TMEM245: variants seen among roughly 807,000 people sequenced by gnomAD.
TMEM245 encodes protein CG-2.
In TMEM245, 69 loss-of-function variants were observed where a neutral mutation model predicts 101.2. The ratio of observed to expected loss-of-function variants is 0.68; its 90% CI spans 0.56 to 0.83. The LOEUF (loss-of-function observed/expected upper bound fraction) is 0.83, where lower values mean the gene tolerates loss of function less well. Among genes scored for constraint, TMEM245 ranks in the 40% least tolerant of loss-of-function variants. TMEM245 has a pLI of 0.00. For missense variants in TMEM245, 1,075 were observed against 1,092.8 expected (o/e 0.98, Z 0.23); for synonymous variants, 537 against 449.8 (o/e 1.19, Z -2.45).
intron 11 of TMEM245, 107 bp from the exon 12 acceptor site, chr9:109,057,429 C>G (rs1484391551): frequency 1.2e-5 from 15 of 1,295,516 alleles, no homozygotes. Flanking sequence ...TCAGTAAGTA[C>G]TCCAAGGAAA....
rs1278656667 is a variant in TMEM245 at position 109,017,188 on chromosome 9, T to G, written c.*3272A>C. ...ATCTGCAAGCCATTTAGCAGCCCTT[T>G]AACTGTAAAAAGCAGTTCCACTTTC... On this transcript the variant is annotated 3_prime_UTR_variant, in exon 18 of 18. Transcript: ENST00000374586. 1.3e-5 allele frequency: 2 copies of G among 152,214 alleles called. No homozygotes were observed. The highest frequency in any genetic ancestry group is 1.5e-5 in the Non-Finnish European group (1 of 68,036). The allele number at this position is 152,214 out of a possible 1,614,324, so 9.4% of individuals were successfully genotyped here.
Position 109,020,356 on chromosome 9 carries a change from G to C in TMEM245, c.*104C>G. The C allele has an allele frequency of 1.8e-6, 2 of 1,130,856 alleles. No individual in the cohort carries two copies. Among genetic ancestry groups the C allele is most frequent in the East Asian group, 2.3e-5 (1 of 42,698 alleles). 70.1% of individuals were successfully genotyped at this position (1,130,856 alleles called of 1,614,324 possible). A position where few individuals can be genotyped will look rare whatever the true frequency, so the allele number is the denominator to read the frequency against. ...CCAGGAGGCTTCTGCTTCTTTCCTG[G>C]GTTTTGCTTGCTAGGCACAGCTGGA... On this transcript the variant is annotated 3_prime_UTR_variant, in exon 18 of 18. Transcript: ENST00000374586.
chr9:109,106,386 C>T (rs1295065505), intron 3 of TMEM245, 122 bp downstream of exon 3: 1 of 522,964 alleles, frequency 1.9e-6, no homozygotes, highest in African/African-American at 1.9e-5. Flanking sequence ...AATTTATTTT[C>T]CACTCAGAAA....
At chr9:109,085,790 C>A (rs1360881246) in intron 7 of TMEM245, among the ~76,000 whole-genome samples, 1 of 152,186 alleles carries the variant, frequency 6.6e-6, no homozygotes, top group Non-Finnish European at 1.5e-5. Context: ...CAAGGAGATA[C>A]CATCCATATC....
intron 1 of TMEM245, among the ~76,000 whole-genome samples, chr9:109,116,658 C>G (rs1456749301): frequency 6.6e-6 from 1 of 152,006 alleles, no homozygotes; most frequent in East Asian, 1.9e-4. Flanking sequence ...TCCCGAGTAG[C>G]TGGGACCACA....
At chr9:109,087,675 T>G (rs1829882199) in intron 5 of TMEM245, among the ~76,000 whole-genome samples, 1 of 152,218 alleles carries the variant, frequency 6.6e-6, no homozygotes, top group Non-Finnish European at 1.5e-5. Context: ...CCCTTGCATA[T>G]TCCCCCTTCC....
chr9:109,029,839 A>T (rs927536635), intron 17 of TMEM245, among the ~76,000 whole-genome samples: 1 of 152,182 alleles, frequency 6.6e-6, no homozygotes, highest in Non-Finnish European at 1.5e-5. Flanking sequence ...TGAACATACC[A>T]AGTGGAGAGG....
At chr9:109,075,149 G>A (rs1296598312) in intron 8 of TMEM245, among the ~76,000 whole-genome samples, 1 of 152,236 alleles carries the variant, frequency 6.6e-6, no homozygotes, top group Non-Finnish European at 1.5e-5. Flanking sequence ...TGAGAAAGAA[G>A]TGACTGGATT....
At chr9:109,066,428 C>G (rs1226282015) in intron 9 of TMEM245, among the ~76,000 whole-genome samples, 1 of 106,280 alleles carries the variant, frequency 9.4e-6, no homozygotes, top group Non-Finnish European at 1.7e-5. Flanking sequence ...ACCCTCCAGC[C>G]TGGGCAAAAG....
At chr9:109,085,510 A>G (rs1829804876) in intron 7 of TMEM245, among the ~76,000 whole-genome samples, 1 of 152,254 alleles carries the variant, frequency 6.6e-6, no homozygotes, top group Admixed American at 6.5e-5. Flanking sequence ...AAATTTTGAA[A>G]TACTAGTTAT....
chr9:109,119,322 G>A lies in TMEM245; in HGVS notation c.579+13C>T, dbSNP rs751718214. ...CACGGGCGGGGGACGGGGGCGGACT[G>A]CCGCTCACTCACCCACAGGCTGCTG... On this transcript the variant is annotated intron_variant, in intron 1 of 17. Coordinates refer to ENST00000374586, the MANE Select transcript of TMEM245 (RefSeq NM_032012.4). The A allele has an allele frequency of 1.3e-6, 2 of 1,522,126 alleles. No individual in the cohort carries two copies. The highest frequency in any genetic ancestry group is 1.2e-5 in the South Asian group (1 of 82,900). The allele number at this position is 1,522,126 out of a possible 1,614,324, so 94.3% of individuals were successfully genotyped here. A position where few individuals can be genotyped will look rare whatever the true frequency, so the allele number is the denominator to read the frequency against.
chr9:109,095,618 A>G (rs1435838178), intron 3 of TMEM245, among the ~76,000 whole-genome samples: 1 of 152,206 alleles, frequency 6.6e-6, no homozygotes, highest in East Asian at 1.9e-4. Flanking sequence ...AAGAGGAAGA[A>G]GAACGCACTG....
intron 3 of TMEM245, among the ~76,000 whole-genome samples, chr9:109,099,211 C>T (rs1329880009): frequency 6.6e-6 from 1 of 152,210 alleles, no homozygotes; most frequent in African/African-American, 2.4e-5. Context: ...TATCACGTCA[C>T]AAGGGCCTGG....
intron 8 of TMEM245, among the ~76,000 whole-genome samples, chr9:109,073,845 TTTTTTTTTTTG>T (rs1829407892): frequency 7.2e-6 from 1 of 138,048 alleles, no homozygotes; most frequent in Non-Finnish European, 1.6e-5. Context: ...AGGAACTAAC[TTTTTTTTTTTG>T]TTTTTTTTTT....
chr9:109,109,864 C>CA (rs1476345481), intron 1 of TMEM245, among the ~76,000 whole-genome samples: 7 of 151,954 alleles, frequency 4.6e-5, no homozygotes, highest in Admixed American at 4.6e-4. Flanking sequence ...AAGTAAAATA[C>CA]AAAAAATACT....
chr9:109,079,052 G>GT (rs1829596633), intron 8 of TMEM245, among the ~76,000 whole-genome samples: 1 of 152,074 alleles, frequency 6.6e-6, no homozygotes, highest in African/African-American at 2.4e-5. Flanking sequence ...AAAGCTGCAG[G>GT]TTTTACTGCC....
intron 11 of TMEM245, among the ~76,000 whole-genome samples, chr9:109,058,698 C>T (rs1314922200): frequency 2.0e-5 from 3 of 152,066 alleles, no homozygotes; most frequent in Admixed American, 1.3e-4. Flanking sequence ...CTGCAGCCTC[C>T]AATTCCTGAG....
chr9:109,054,991 T>C (rs1235857262), intron 12 of TMEM245, among the ~76,000 whole-genome samples: 1 of 152,220 alleles, frequency 6.6e-6, no homozygotes, highest in Non-Finnish European at 1.5e-5. Context: ...TAAATGTGTT[T>C]AGGGATACAG....
intron 3 of TMEM245, among the ~76,000 whole-genome samples, chr9:109,098,606 A>G (rs953459716): frequency 3.9e-5 from 6 of 152,174 alleles, no homozygotes; most frequent in African/African-American, 1.4e-4. Flanking sequence ...TAAACTGAAC[A>G]GAACAATGCC....
Sources: gnomAD v4.1 joint callset for allele counts (sites outside exome capture counted in the v4.1 genomes callset) on GRCh38, gnomAD v4.1.1 for gene constraint, MANE v1.5 for transcripts, NCBI Gene and HGNC (gene_info 2026-07-23, HGNC 2026-07-21) for gene names.